LIMCH1: variants seen among roughly 807,000 people sequenced by gnomAD.
The protein encoded by LIMCH1 is LIM and calponin homology domains 1.
LIMCH1 carries 113 observed loss-of-function variants against 176.5 expected under a neutral mutation model. That is an observed-to-expected ratio of 0.64 (90% CI 0.55 to 0.75). The LOEUF (loss-of-function observed/expected upper bound fraction) is 0.75. Among genes scored for constraint, LIMCH1 ranks in the 30% least tolerant of loss-of-function variants. LIMCH1 has a pLI of 0.00. For synonymous variants in LIMCH1, 619 were observed against 645.9 expected (o/e 0.96, Z 0.63); for missense variants, 1,674 against 1,814.9 (o/e 0.92, Z 1.41).
intron 3 of LIMCH1, among the ~76,000 whole-genome samples, chr4:41,530,752 G>T (rs998216171): frequency 3.5e-4 from 44 of 127,408 alleles, no homozygotes; most frequent in Non-Finnish European, 6.0e-4. Flanking sequence ...CCGAGATTGT[G>T]CCATTGCACT....
At chr4:41,534,697 C>G (rs6447087), upstream of LIMCH1, among the ~76,000 whole-genome samples, 20,977 of 148,538 alleles carry the variant, frequency 0.14, 2,143 homozygotes, top group South Asian at 0.33. Flanking sequence ...TAAATGAAGA[C>G]ATATTTTTTT....
intron 2 of LIMCH1, chr4:41,494,631 G>C (rs761303975): frequency 6.1e-6 from 9 of 1,485,288 alleles, no homozygotes; most frequent in Middle Eastern, 1.8e-4. Flanking sequence ...TATTCAGTTG[G>C]TTTTATTCAA....
chr4:41,575,316 C>T (rs1295675412), intron 1 of LIMCH1, among the ~76,000 whole-genome samples: 1 of 152,186 alleles, frequency 6.6e-6, no homozygotes, highest in Non-Finnish European at 1.5e-5. Context: ...AAATATCTGC[C>T]TCACCGCAAA....
rs369441174 is a variant in LIMCH1 at position 41,579,089 on chromosome 4, G to A, written c.-240-19831G>A. 2.6e-5 allele frequency among the ~76,000 whole-genome samples: 4 copies of A among 151,778 alleles called. No homozygotes were observed. The East Asian group carries it at 7.7e-4, about 29-fold the overall frequency. On this transcript the variant is annotated intron_variant, in intron 1 of 31. Coordinates refer to ENST00000503057, the MANE Select transcript of LIMCH1 (RefSeq NM_001330672.2). ...TAATGGGACCAAAACCTTAAAAGAA[G>A]GTTCTGGGAGAATGGAGTAGCACAT... is the stretch of plus-strand genomic sequence containing the variant.
chr4:41,685,972 T>G (rs1229778725), intron 28 of LIMCH1, 142 bp downstream of exon 28: 1 of 854,240 alleles, frequency 1.2e-6, no homozygotes, highest in African/African-American at 1.7e-5. Context: ...ATTGACAAGG[T>G]AGTCAATATA....
intron 2 of LIMCH1, among the ~76,000 whole-genome samples, chr4:41,522,621 T>C (rs1262888880): frequency 6.6e-6 from 1 of 152,184 alleles, no homozygotes; most frequent in Non-Finnish European, 1.5e-5. Context: ...AATGTGGCTT[T>C]GGAGATATCA....
At chr4:41,484,655 G>A (rs2069205987) in intron 1 of LIMCH1, among the ~76,000 whole-genome samples, 1 of 152,136 alleles carries the variant, frequency 6.6e-6, no homozygotes, top group Admixed American at 6.5e-5. Flanking sequence ...GGAAATCACG[G>A]TCTTCTGAAA....
chr4:41,621,487 A>G (rs917177121), intron 7 of LIMCH1, among the ~76,000 whole-genome samples: 1 of 146,168 alleles, frequency 6.8e-6, no homozygotes, highest in Admixed American at 7.3e-5. Flanking sequence ...TTCCTTTGCC[A>G]CTTGCTGTTC....
At chr4:41,500,901 A>G (rs2073148756) in intron 2 of LIMCH1, among the ~76,000 whole-genome samples, 4 of 152,184 alleles carry the variant, frequency 2.6e-5, no homozygotes, top group Admixed American at 1.3e-4. Flanking sequence ...TCAGTTTTCG[A>G]TAGAGTGGTT....
chr4:41,677,821 T>C (rs1712146437), intron 23 of LIMCH1, among the ~76,000 whole-genome samples: 1 of 152,060 alleles, frequency 6.6e-6, no homozygotes, highest in Admixed American at 6.6e-5. Flanking sequence ...ACATTCCCAC[T>C]AGTACTGATT....
At chr4:41,511,782 A>G (rs2074957340) in intron 2 of LIMCH1, among the ~76,000 whole-genome samples, 1 of 152,268 alleles carries the variant, frequency 6.6e-6, no homozygotes, top group African/African-American at 2.4e-5. Flanking sequence ...AATGGATCAT[A>G]GACATAAATG....
intron 24 of LIMCH1, 115 bp from the exon 25 acceptor site, chr4:41,680,840 C>G: frequency 1.8e-6 from 1 of 545,772 alleles, no homozygotes; most frequent in Admixed American, 3.0e-5. Context: ...TTTAAAATGC[C>G]CTGCTTGTTC....
At chr4:41,629,100 A>G (rs944961556) in intron 8 of LIMCH1, among the ~76,000 whole-genome samples, 1 of 152,188 alleles carries the variant, frequency 6.6e-6, no homozygotes. Flanking sequence ...GCAGTAAAAA[A>G]CATTCCAAGA....
chr4:41,670,345 G>T (rs1333347653), intron 21 of LIMCH1, among the ~76,000 whole-genome samples: 1 of 152,070 alleles, frequency 6.6e-6, no homozygotes, highest in Non-Finnish European at 1.5e-5. Flanking sequence ...ACCCATCTTT[G>T]CTGCCTTTTA....
At chr4:41,474,015 TA>T (rs537059873) in intron 1 of LIMCH1, among the ~76,000 whole-genome samples, 218 of 150,972 alleles carry the variant, frequency 1.4e-3, no homozygotes, top group African/African-American at 5.0e-3. Context: ...CTGTCTCTAC[TA>T]AAAATAAAAA....
intron 1 of LIMCH1, among the ~76,000 whole-genome samples, chr4:41,453,075 G>A (rs189167238): frequency 2.2e-4 from 34 of 152,284 alleles, no homozygotes; most frequent in African/African-American, 7.2e-4. Flanking sequence ...TGTACCTAAC[G>A]TAGGTTGTTT....
At chr4:41,530,821 T>G (rs71608079) in intron 3 of LIMCH1, among the ~76,000 whole-genome samples, 2 of 68,114 alleles carry the variant, frequency 2.9e-5, no homozygotes, top group African/African-American at 2.7e-4. Context: ...AAAAAAAAAT[T>G]TTTTTTTTTT....
intron 1 of LIMCH1, among the ~76,000 whole-genome samples, chr4:41,463,171 T>TAA (rs11326529): frequency 2.0e-5 from 3 of 149,158 alleles, no homozygotes; most frequent in Non-Finnish European, 3.0e-5. Flanking sequence ...AAAAATTCAT[T>TAA]AAAAAAAAAA....
intron 3 of LIMCH1, among the ~76,000 whole-genome samples, chr4:41,528,868 T>C (rs2152430002): frequency 6.6e-6 from 1 of 152,328 alleles, no homozygotes; most frequent in Non-Finnish European, 1.5e-5. Flanking sequence ...AGCCCCTGAG[T>C]TAAGCTGTGG....
Sources: allele counts gnomAD v4.1 joint callset (sites outside exome capture counted in the v4.1 genomes callset), GRCh38; gene constraint gnomAD v4.1.1; transcripts MANE v1.5; gene names NCBI Gene and HGNC (gene_info 2026-07-23, HGNC 2026-07-21).